The following FAF2 variants were observed in gnomAD, a reference collection of about 807,000 sequenced individuals.
FAF2 encodes Fas associated factor family member 2, also known as FAS-associated factor 2.
FAF2 carries 9 observed loss-of-function variants against 62.3 expected under a neutral mutation model. The observed-to-expected ratio is 0.14, with a 90% CI of 0.09 to 0.25. The LOEUF (loss-of-function observed/expected upper bound fraction) is 0.25. Ranked by LOEUF, FAF2 falls within the 10% of genes least tolerant of loss-of-function variation. The pLI, the probability that FAF2 is intolerant of heterozygous loss-of-function variation, is 1.00. For synonymous variants in FAF2, 202 were observed against 198.0 expected, an observed-to-expected ratio of 1.02 and a Z score of -0.17; for missense variants, 368 against 556.2, an observed-to-expected ratio of 0.66 and a Z score of 3.40.
chr5:176,499,114 G>C, intron 9 of FAF2, 29 bp downstream of exon 9: 1 of 1,537,620 alleles, frequency 6.5e-7, no homozygotes, highest in Non-Finnish European at 8.8e-7. Context: ...TACTCCCTGT[G>C]GTTCCCAAAC....
intron 1 of FAF2, among the ~76,000 whole-genome samples, chr5:176,452,655 T>C (rs747356776): frequency 9.9e-5 from 15 of 152,118 alleles, no homozygotes; most frequent in Non-Finnish European, 4.4e-5. Flanking sequence ...TTGCACAAGG[T>C]AGGGAGATGG....
chr5:176,491,483 A>G, intron 4 of FAF2, among the ~76,000 whole-genome samples: 1 of 152,222 alleles, frequency 6.6e-6, no homozygotes, highest in African/African-American at 2.4e-5. Context: ...CCCTTTGAAG[A>G]GCAAGTAAGT....
At chr5:176,456,556 C>T (rs944449002) in intron 1 of FAF2, among the ~76,000 whole-genome samples, 1 of 91,088 alleles carries the variant, frequency 1.1e-5, no homozygotes, top group African/African-American at 5.0e-5. Context: ...CAGGAACTCT[C>T]CTGAGCTCAA....
At chr5:176,492,394 C>A in intron 5 of FAF2, 62 bp downstream of exon 5, 1 of 1,487,226 alleles carries the variant, frequency 6.7e-7, no homozygotes, top group African/African-American at 1.4e-5. Context: ...CAAAGGAGAG[C>A]ACAGCCCAGC....
chr5:176,479,125 A>C, intron 1 of FAF2, 63 bp from the exon 2 acceptor site: 1 of 1,347,438 alleles, frequency 7.4e-7, no homozygotes. Flanking sequence ...ATATGGCGTA[A>C]AAATACTCAC....
rs1755568130 is a variant in FAF2 at position 176,499,999 on chromosome 5, G to C, written c.1012-4G>C. The stretch of plus-strand genomic sequence containing the variant: ...AGCCTCACCTTTGCTTTGTGTCTCT[G>C]CAGAATTTACAGGAGGAAAAGGAAA... On this transcript the variant is annotated splice_region_variant and splice_polypyrimidine_tract_variant and intron_variant, in intron 9 of 10. Coordinates refer to ENST00000261942, the MANE Select transcript of FAF2 (RefSeq NM_014613.3). The C allele has an allele frequency of 6.2e-7, 1 of 1,613,848 alleles. No individual in the cohort carries two copies. The highest frequency in any genetic ancestry group is 1.3e-5 in the African/African-American group (1 of 74,888).
chr5:176,499,357 C>T (rs1755552689), intron 9 of FAF2, among the ~76,000 whole-genome samples: 1 of 152,132 alleles, frequency 6.6e-6, no homozygotes, highest in Admixed American at 6.5e-5. Flanking sequence ...GAACTCCTGA[C>T]CTCACATGAT....
At chr5:176,499,970 C>T in intron 9 of FAF2, 33 bp from the exon 10 acceptor site, 1 of 1,612,142 alleles carries the variant, frequency 6.2e-7, no homozygotes, top group Non-Finnish European at 8.5e-7. Context: ...ATTTCTTGAG[C>T]TGTAGCCTCA....
Position 176,496,563 on chromosome 5 carries a change from G to A in FAF2, c.739G>A (p.Gly247Arg). Residue 247 changes from glycine (G) to arginine (R), a missense_variant, in exon 8 of 11, where the codon GGA (glycine) becomes AGA (arginine). Coordinates refer to ENST00000261942, the MANE Select transcript of FAF2 (RefSeq NM_014613.3). ...MLKDRRMTVVGRLEGLIQPDD... is the reference protein window; with the variant it reads ...MLKDRRMTVVRRLEGLIQPDD... ...GAAGGATCGAAGGATGACTGTGGTG[G>A]GACGGCTAGAAGGCCTCATTCAACC... 1 of 1,613,180 alleles carries A rather than the reference G, an allele frequency of 6.2e-7. No individual in the cohort carries two copies. The highest frequency in any genetic ancestry group is 8.5e-7 in the Non-Finnish European group (1 of 1,179,530).
rs181499825 is a variant in FAF2 at position 176,450,788 on chromosome 5, C to T, written c.63+2318C>T. Among the ~76,000 whole-genome samples the T allele has an allele frequency of 4.5e-3, 687 of 152,210 alleles. 6 individuals carry two copies. Among genetic ancestry groups the T allele is most frequent in the African/African-American group, 0.016 (663 of 41,542 alleles). On this transcript the variant is annotated intron_variant, in intron 1 of 10. Transcript: ENST00000261942. ...CAGGATGGTCTCGATTTCTTGACCTCGTGATCCGCCCTCCTCGGCTGGGAT... is the reference window on the plus strand; with the variant it reads ...CAGGATGGTCTCGATTTCTTGACCTTGTGATCCGCCCTCCTCGGCTGGGAT...
Position 176,501,114 on chromosome 5 carries a change from C to G in FAF2, c.1155+968C>G, listed in dbSNP as rs564711902. 2.7e-5 allele frequency among the ~76,000 whole-genome samples: 4 copies of G among 150,560 alleles called. No homozygotes were observed. The South Asian group carries it at 8.7e-4, about 33-fold the overall frequency. Reference sequence around the variant, plus strand: ...TGCACTCCAGCCCGGGCAACAGAGACCCTGTAAAAAAAAAAAATAAATAAT... The same window carrying G: ...TGCACTCCAGCCCGGGCAACAGAGAGCCTGTAAAAAAAAAAAATAAATAAT... On this transcript the variant is annotated intron_variant, in intron 10 of 10. Coordinates refer to ENST00000261942, the MANE Select transcript of FAF2 (RefSeq NM_014613.3).
intron 1 of FAF2, among the ~76,000 whole-genome samples, chr5:176,463,467 AG>A (rs1227153839): frequency 1.3e-5 from 2 of 151,638 alleles, no homozygotes; most frequent in African/African-American, 4.8e-5. Flanking sequence ...CTTTTAAGCT[AG>A]TTCAGACTCA....
At chr5:176,496,969 C>T (rs1045999979) in intron 8 of FAF2, 64 of 182,936 alleles carry the variant, frequency 3.5e-4, no homozygotes, top group Middle Eastern at 2.2e-3. Context: ...CAAAGCGAGA[C>T]CCCATCTCTA....
At chr5:176,464,509 T>C (rs1758431642) in intron 1 of FAF2, among the ~76,000 whole-genome samples, 1 of 64,710 alleles carries the variant, frequency 1.5e-5, no homozygotes, top group Non-Finnish European at 3.1e-5. Flanking sequence ...TTTTTTTTTT[T>C]TGAGACAGGG....
chr5:176,476,074 G>A (rs1376533420), intron 1 of FAF2, among the ~76,000 whole-genome samples: 1 of 152,108 alleles, frequency 6.6e-6, no homozygotes, highest in African/African-American at 2.4e-5. Context: ...TGGGCAACAT[G>A]GTGAAATCCT....
intron 1 of FAF2, among the ~76,000 whole-genome samples, chr5:176,456,798 A>T (rs548736043): frequency 6.6e-5 from 10 of 152,232 alleles, no homozygotes; most frequent in Non-Finnish European, 1.0e-4. Context: ...TTTGAAATCA[A>T]CTTTTTAAAG....
chr5:176,486,553 T>C, intron 3 of FAF2, 64 bp downstream of exon 3: 2 of 1,524,056 alleles, frequency 1.3e-6, no homozygotes, highest in Non-Finnish European at 1.8e-6. Flanking sequence ...CTTGGTTATA[T>C]TGATCTCCCT....
chr5:176,497,966 A>G (rs374095372), intron 8 of FAF2, among the ~76,000 whole-genome samples: 1 of 152,290 alleles, frequency 6.6e-6, no homozygotes, highest in Admixed American at 6.5e-5. Context: ...CCCGGGCAAC[A>G]TGGTGAAACC....
intron 1 of FAF2, among the ~76,000 whole-genome samples, chr5:176,468,579 G>A (rs746250844): frequency 6.6e-5 from 10 of 151,712 alleles, no homozygotes; most frequent in South Asian, 4.2e-4. Flanking sequence ...GCAAGACTCC[G>A]TCTCAAAAAG....
Sources: gnomAD v4.1 joint callset for allele counts (sites outside exome capture counted in the v4.1 genomes callset) on GRCh38, gnomAD v4.1.1 for gene constraint, MANE v1.5 for transcripts, NCBI Gene and HGNC (gene_info 2026-07-23, HGNC 2026-07-21) for gene names.